SORL1: variants seen among roughly 807,000 people sequenced by gnomAD.
SORL1 encodes sortilin related receptor 1.
In SORL1, 127 loss-of-function variants were observed where a neutral mutation model predicts 273.7. The ratio of observed to expected loss-of-function variants is 0.46; its 90% CI spans 0.40 to 0.54. The LOEUF (loss-of-function observed/expected upper bound fraction) is 0.54, where lower values mean the gene tolerates loss of function less well. Ranked by LOEUF, SORL1 falls within the 20% of genes least tolerant of loss-of-function variation. The pLI, the probability that SORL1 is intolerant of heterozygous loss-of-function variation, is 0.00. For synonymous variants in SORL1, 1,031 were observed against 1,067.4 expected, an observed-to-expected ratio of 0.97 and a Z score of 0.66; for missense variants, 2,494 against 2,846.1, an observed-to-expected ratio of 0.88 and a Z score of 2.81.
chr11:121,472,310 T>A (rs1565303521), intron 2 of SORL1, among the ~76,000 whole-genome samples: 1 of 152,202 alleles, frequency 6.6e-6, no homozygotes, highest in Admixed American at 6.5e-5. Flanking sequence ...TTTATGCGTT[T>A]AAAAAAACTC....
At chr11:121,570,004 T>C (rs1591331761) in intron 22 of SORL1, among the ~76,000 whole-genome samples, 153 bp from the exon 23 acceptor site, 1 of 152,172 alleles carries the variant, frequency 6.6e-6, no homozygotes, top group African/African-American at 2.4e-5. Flanking sequence ...AAAGAACCTA[T>C]GTGAAATATC....
At chr11:121,594,239 A>C (rs1351441024) in intron 31 of SORL1, among the ~76,000 whole-genome samples, 1 of 152,126 alleles carries the variant, frequency 6.6e-6, no homozygotes, top group Non-Finnish European at 1.5e-5. Flanking sequence ...TCCATCCAAC[A>C]TAGCGGACAC....
At chr11:121,621,603 C>T (rs997420676) in intron 44 of SORL1, among the ~76,000 whole-genome samples, 11 of 152,186 alleles carry the variant, frequency 7.2e-5, no homozygotes, top group African/African-American at 2.7e-4. Flanking sequence ...GACAGGTTCT[C>T]AGTGGTCCAT....
intron 1 of SORL1, among the ~76,000 whole-genome samples, chr11:121,461,916 G>T (rs1192820521): frequency 6.6e-6 from 1 of 152,156 alleles, no homozygotes; most frequent in Non-Finnish European, 1.5e-5. Flanking sequence ...TTAGTGCGTC[G>T]AAGTTTATGA....
chr11:121,619,682 A>C, intron 42 of SORL1, 71 bp from the exon 43 acceptor site: 1 of 1,197,704 alleles, frequency 8.3e-7, no homozygotes, highest in African/African-American at 1.5e-5. Context: ...ATTTTGTTGA[A>C]AAAATACTTT....
intron 6 of SORL1, among the ~76,000 whole-genome samples, chr11:121,509,722 A>G (rs1861845992): frequency 1.3e-5 from 2 of 152,080 alleles, no homozygotes; most frequent in Admixed American, 1.3e-4. Flanking sequence ...TGATCTGCCC[A>G]CCTCGGCCTC....
chr11:121,591,284 G>A (rs1863211140), intron 31 of SORL1, 128 bp downstream of exon 31: 1 of 931,692 alleles, frequency 1.1e-6, no homozygotes, highest in Non-Finnish European at 1.7e-6. Flanking sequence ...GTGTGGCCAG[G>A]TTGCCTGTTA....
intron 18 of SORL1, chr11:121,556,950 G>A (rs1257133743): frequency 9.2e-6 from 2 of 216,976 alleles, no homozygotes; most frequent in African/African-American, 2.3e-5. Flanking sequence ...TGGAGTCATC[G>A]ATTGCCTTGG....
intron 6 of SORL1, among the ~76,000 whole-genome samples, chr11:121,502,848 T>G (rs1467791341): frequency 6.6e-6 from 1 of 152,094 alleles, no homozygotes; most frequent in Non-Finnish European, 1.5e-5. Context: ...ACTTTTTTCT[T>G]TTTCAGCACT....
chr11:121,461,767 G>T (rs1216430720), intron 1 of SORL1, among the ~76,000 whole-genome samples: 1 of 152,148 alleles, frequency 6.6e-6, no homozygotes, highest in Admixed American at 6.5e-5. Context: ...TGACTCAGGC[G>T]TGCAGTGTTT....
chr11:121,600,133 G>C (rs1255305066), intron 32 of SORL1, among the ~76,000 whole-genome samples: 2 of 152,156 alleles, frequency 1.3e-5, no homozygotes, highest in Non-Finnish European at 2.9e-5. Flanking sequence ...GCTAAACTTT[G>C]GTGGTGGGTT....
At chr11:121,507,714 T>G (rs1861809149) in intron 6 of SORL1, among the ~76,000 whole-genome samples, 2 of 152,158 alleles carry the variant, frequency 1.3e-5, no homozygotes, top group South Asian at 4.1e-4. Context: ...TTTAGTCCTT[T>G]GAACATATTT....
intron 31 of SORL1, among the ~76,000 whole-genome samples, chr11:121,594,543 C>T (rs1188635926): frequency 6.6e-6 from 1 of 151,976 alleles, no homozygotes; most frequent in Non-Finnish European, 1.5e-5. Context: ...AGAGCTTCTC[C>T]ATTTTTACCA....
At chr11:121,468,132 A>G (rs1861113618) in intron 1 of SORL1, among the ~76,000 whole-genome samples, 1 of 152,068 alleles carries the variant, frequency 6.6e-6, no homozygotes, top group Non-Finnish European at 1.5e-5. Context: ...GGAGGAAGCG[A>G]GAGAAGGAGA....
At position 121,621,127 on chromosome 11, in the gene SORL1, C is replaced by A. The variant is rs756155366; in HGVS notation, c.5953C>A (p.Arg1985Ser). The A allele has an allele frequency of 6.2e-7, 1 of 1,613,700 alleles. No individual in the cohort carries two copies. Among genetic ancestry groups the A allele is most frequent in the Admixed American group, 1.7e-5 (1 of 60,022 alleles). The part of the protein sequence containing the change: ...KTDRSYKVKS[R>S]NSTVEYTLNK... ...TGACAGGAGCTACAAAGTAAAATCC[C>A]GTAACAGCACTGTGGAATACACCCT... The change falls in exon 44 of 48, where the codon CGT becomes AGT. Residue 1985 changes from arginine to serine, a missense_variant. Physicochemically the swap from Arg to Ser is moderately radical, Grantham distance 110 (BLOSUM62 -1). Transcript: ENST00000260197.
At chr11:121,613,945 C>T in intron 40 of SORL1, among the ~76,000 whole-genome samples, 1 of 152,232 alleles carries the variant, frequency 6.6e-6, no homozygotes, top group East Asian at 1.9e-4. Flanking sequence ...TCCCTGCCAG[C>T]CAGCAGCTGC....
chr11:121,526,218 T>G (rs1862122084), intron 11 of SORL1, among the ~76,000 whole-genome samples: 1 of 152,130 alleles, frequency 6.6e-6, no homozygotes, highest in Non-Finnish European at 1.5e-5. Flanking sequence ...CTTCTCTCTC[T>G]CCCATTGAAT....
At chr11:121,625,941 C>A (rs191725990) in intron 46 of SORL1, among the ~76,000 whole-genome samples, 1 of 152,140 alleles carries the variant, frequency 6.6e-6, no homozygotes, top group African/African-American at 2.4e-5. Flanking sequence ...AAGCCAAAAT[C>A]TTGTGTTAGA....
At chr11:121,591,298 A>C in intron 31 of SORL1, 142 bp downstream of exon 31, 1 of 771,292 alleles carries the variant, frequency 1.3e-6, no homozygotes, top group Non-Finnish European at 2.1e-6. Flanking sequence ...CCTGTTACTA[A>C]TGGTGTACCT....
Sources: allele counts gnomAD v4.1 joint callset (sites outside exome capture counted in the v4.1 genomes callset), GRCh38; gene constraint gnomAD v4.1.1; transcripts MANE v1.5; gene names NCBI Gene and HGNC (gene_info 2026-07-23, HGNC 2026-07-21).